SMU1: variants seen among roughly 807,000 people sequenced by gnomAD.
The protein encoded by SMU1 is WD40 repeat-containing protein SMU1.
SMU1 carries 2 observed loss-of-function variants against 62.0 expected under a neutral mutation model. That is an observed-to-expected ratio of 0.03 (90% CI 0.01 to 0.10). The LOEUF is 0.10. SMU1 is among the 10% of genes least tolerant of loss of function. The pLI is 1.00. For missense variants in SMU1, 227 were observed against 622.1 expected (o/e 0.36, Z 6.76); for synonymous variants, 188 against 212.4 (o/e 0.89, Z 1.00).
rs1396572970 is a variant in SMU1, at chr9:33,041,864, T to C, written c.*5429A>G. 1 of 151,064 alleles carries C rather than the reference T, an allele frequency of 6.6e-6. No homozygotes were observed. Among genetic ancestry groups the C allele is most frequent in the Non-Finnish European group, 1.5e-5 (1 of 67,774 alleles). 9.4% of individuals were successfully genotyped at this position (151,064 alleles called of 1,614,324 possible). On this transcript the variant is annotated 3_prime_UTR_variant, in exon 12 of 12. Coordinates refer to ENST00000397149, the MANE Select transcript of SMU1 (RefSeq NM_018225.3). ...AATAAGCCAGATAAAAAAGGACAAG[T>C]ATTGTATAATTTCACTTATATGAAC...
At chr9:33,051,727 G>A (rs1839251457) in intron 10 of SMU1, among the ~76,000 whole-genome samples, 1 of 152,190 alleles carries the variant, frequency 6.6e-6, no homozygotes, top group Non-Finnish European at 1.5e-5. Context: ...TGACTATAAA[G>A]ATGTAGCATG....
intron 9 of SMU1, among the ~76,000 whole-genome samples, chr9:33,054,342 C>A (rs918492397): frequency 7.9e-5 from 12 of 152,146 alleles, no homozygotes; most frequent in African/African-American, 2.9e-4. Context: ...TAGCTTGAGA[C>A]TCTATCCTGA....
intron 6 of SMU1, among the ~76,000 whole-genome samples, chr9:33,059,684 C>G (rs962345371): frequency 6.7e-6 from 1 of 150,196 alleles, no homozygotes; most frequent in African/African-American, 2.4e-5. Flanking sequence ...CGGCTCACTG[C>G]AACCTCCACC....
At chr9:33,048,678 T>C (rs1185639316) in intron 10 of SMU1, among the ~76,000 whole-genome samples, 1 of 152,224 alleles carries the variant, frequency 6.6e-6, no homozygotes, top group African/African-American at 2.4e-5. Context: ...AAGACTTTGC[T>C]TGCTCTATTG....
chr9:33,056,886 A>G lies in SMU1; in HGVS notation c.946T>C (p.Ser316Pro). Residue 316 changes from serine to proline, a missense_variant, in exon 8 of 12, where the codon TCT becomes CCT. Transcript: ENST00000397149. The part of the protein sequence containing the change: ...HSKGVTCLSF[S>P]KDSSQILSAS... ...CTAAGGATCTGACTGCTATCCTTAG[A>G]AAAGCTTAGACAGGTGACACCCTTA... 6.2e-7 allele frequency: 1 copy of G among 1,613,698 alleles called. No individual in the cohort carries two copies. The highest frequency in any genetic ancestry group is 8.5e-7 in the Non-Finnish European group (1 of 1,179,852).
Position 33,048,286 on chromosome 9 carries a change from A to G in SMU1, c.1291-28T>C, listed in dbSNP as rs370195261. On this transcript the variant is annotated intron_variant, in intron 10 of 11. Transcript: ENST00000397149. Reference sequence around the variant, plus strand: ...AGATCACACCACACCCCAAGAAAAAAACATCAGGATTAGTAGCAGCTCAAC... The same window carrying G: ...AGATCACACCACACCCCAAGAAAAAGACATCAGGATTAGTAGCAGCTCAAC... 6 of 1,612,156 alleles carry G rather than the reference A, an allele frequency of 3.7e-6. No homozygotes were observed. In the African/African-American group the frequency reaches 8.0e-5, roughly 22 times the overall value.
Position 33,051,133 on chromosome 9 carries a change from A to AT in SMU1, c.1290+1989_1290+1990insA, listed in dbSNP as rs1207515495. On this transcript the variant is annotated intron_variant, in intron 10 of 11. Coordinates refer to ENST00000397149, the MANE Select transcript of SMU1 (RefSeq NM_018225.3). ...GAGACTCTGTCTCAAAAAAAAAAAA[A>AT]AATAAAAATAAAAATAAAAAATAAG... is the stretch of plus-strand genomic sequence containing the variant. Among the ~76,000 whole-genome samples the AT allele has an allele frequency of 1.2e-4, 9 of 74,676 alleles. 2 individuals carry two copies. Among genetic ancestry groups the AT allele is most frequent in the South Asian group, 1.2e-3 (4 of 3,368 alleles). The allele number at this position is 74,676 out of a possible 152,430, so 49.0% of individuals were successfully genotyped here. A position where few individuals can be genotyped will look rare whatever the true frequency, so the allele number is the denominator to read the frequency against.
intron 7 of SMU1, 61 bp downstream of exon 7, chr9:33,057,537 C>T (rs1839315978): frequency 6.3e-7 from 1 of 1,590,040 alleles, no homozygotes; most frequent in South Asian, 1.1e-5. Context: ...ATGTAGGACA[C>T]TACCCCATAG....
At chr9:33,060,840 C>T (rs1839354253) in intron 5 of SMU1, among the ~76,000 whole-genome samples, 1 of 152,124 alleles carries the variant, frequency 6.6e-6, no homozygotes, top group Non-Finnish European at 1.5e-5. Flanking sequence ...AAGGAAAGGA[C>T]AAAAGCTATT....
At chr9:33,051,701 G>A (rs1839251149) in intron 10 of SMU1, among the ~76,000 whole-genome samples, 1 of 152,148 alleles carries the variant, frequency 6.6e-6, no homozygotes. Flanking sequence ...CAGGGGCTAG[G>A]GTTATGGGGA....
intron 1 of SMU1, among the ~76,000 whole-genome samples, chr9:33,075,584 AT>A (rs746038260): frequency 1.4e-4 from 21 of 152,318 alleles, no homozygotes; most frequent in East Asian, 9.7e-4. Flanking sequence ...CATAGCCAAA[AT>A]CAAATTCCCT....
intron 11 of SMU1, 22 bp from the exon 12 acceptor site, chr9:33,047,413 G>T: frequency 1.9e-6 from 3 of 1,599,120 alleles, no homozygotes; most frequent in Non-Finnish European, 2.6e-6. Flanking sequence ...AAAGCACAGG[G>T]TTAGGATGTA....
Position 33,047,377 on chromosome 9 carries a change from A to G in SMU1, c.1458T>C (p.Asp486=), listed in dbSNP as rs764199159. 2 of 1,613,854 alleles carry G rather than the reference A, an allele frequency of 1.2e-6. No homozygotes were observed. The highest frequency in any genetic ancestry group is 8.5e-7 in the Non-Finnish European group (1 of 1,179,860). The change falls in exon 12 of 12, where the codon GAT becomes GAC. Residue 486 remains aspartate (D), a synonymous_variant. Coordinates refer to ENST00000397149, the MANE Select transcript of SMU1 (RefSeq NM_018225.3). ...GAGGGTGATGTGCAATACCAATCAC[A>G]TCCTTCTCGTGCACCTGGAACATGT... ...LERTLTVHEK[D]VIGIAHHPHQ... is the part of the protein sequence containing the mutation.
At chr9:33,071,933 C>A in intron 2 of SMU1, 41 bp from the exon 3 acceptor site, 1 of 1,482,388 alleles carries the variant, frequency 6.7e-7, no homozygotes, top group Non-Finnish European at 8.9e-7. Context: ...CCAGATGTTT[C>A]AACACACCGT....
rs1240585420 is a variant in SMU1 at position 33,046,039 on chromosome 9, T to TACATC, written c.*1249_*1253dup. The TACATC allele has an allele frequency of 6.6e-6, 1 of 152,254 alleles. No individual in the cohort carries two copies. The highest frequency in any genetic ancestry group is 2.4e-5 in the African/African-American group (1 of 41,476). 9.4% of individuals were successfully genotyped at this position (152,254 alleles called of 1,614,324 possible). A position where few individuals can be genotyped will look rare whatever the true frequency, so the allele number is the denominator to read the frequency against. ...CTTCCTCATCATCAGAGGTGCTCTA[T>TACATC]ACATCTTCAGTTGAAACGTGAAACA... is the stretch of plus-strand genomic sequence containing the variant. On this transcript the variant is annotated 3_prime_UTR_variant, in exon 12 of 12. Coordinates refer to ENST00000397149, the MANE Select transcript of SMU1 (RefSeq NM_018225.3).
intron 3 of SMU1, 54 bp from the exon 4 acceptor site, chr9:33,068,988 G>A (rs1839456879): frequency 5.7e-6 from 9 of 1,585,318 alleles, no homozygotes; most frequent in Non-Finnish European, 7.7e-6. Context: ...CAAGATATGA[G>A]TGTGCTTATT....
At chr9:33,074,732 G>A (rs1414268455) in intron 1 of SMU1, among the ~76,000 whole-genome samples, 1 of 151,774 alleles carries the variant, frequency 6.6e-6, no homozygotes, top group Non-Finnish European at 1.5e-5. Flanking sequence ...TGGCAGTGTG[G>A]CTCTAGAGCA....
At chr9:33,071,967 T>C (rs554440790) in intron 2 of SMU1, 75 bp from the exon 3 acceptor site, 148 of 1,397,904 alleles carry the variant, frequency 1.1e-4, no homozygotes, top group Non-Finnish European at 1.3e-4. Context: ...TTCGGTAAAA[T>C]ATCTAACACA....
chr9:33,050,992 G>A (rs1839240690), intron 10 of SMU1, among the ~76,000 whole-genome samples: 1 of 112,020 alleles, frequency 8.9e-6, no homozygotes, highest in Admixed American at 9.2e-5. Context: ...GTGGTGGCGG[G>A]CGCCTGTAGT....
Sources: allele counts gnomAD v4.1 joint callset (sites outside exome capture counted in the v4.1 genomes callset), GRCh38; gene constraint gnomAD v4.1.1; transcripts MANE v1.5; gene names NCBI Gene and HGNC (gene_info 2026-07-23, HGNC 2026-07-21).